Variants in ADCY9 observed in about 807,000 individuals in gnomAD.
ADCY9 encodes adenylate cyclase type 9.
Under a neutral mutation model 101.5 loss-of-function variants are expected in ADCY9, and 50 were observed. The ratio of observed to expected loss-of-function variants is 0.49; its 90% confidence interval spans 0.39 to 0.62. The LOEUF (loss-of-function observed/expected upper bound fraction) is 0.62, where lower values mean the gene tolerates loss of function less well. Ranked by LOEUF, ADCY9 falls within the 20% of genes least tolerant of loss-of-function variation. ADCY9 has a pLI of 0.00. For missense variants in ADCY9, 1,662 were observed against 1,800.4 expected, an observed-to-expected ratio of 0.92 and a Z score of 1.39; for synonymous variants, 905 against 769.3, an observed-to-expected ratio of 1.18 and a Z score of -2.92.
At chr16:4,071,364 A>AAAAAAAAAT (rs2056833452) in intron 2 of ADCY9, among the ~76,000 whole-genome samples, 1 of 129,888 alleles carries the variant, frequency 7.7e-6, no homozygotes, top group African/African-American at 3.0e-5. Flanking sequence ...AAAAAAAAAA[A>AAAAAAAAAT]TCAAAAAAGT....
chr16:4,084,508 T>C (rs2056925305), intron 2 of ADCY9, among the ~76,000 whole-genome samples: 1 of 152,038 alleles, frequency 6.6e-6, no homozygotes, highest in Non-Finnish European at 1.5e-5. Flanking sequence ...GGGGTATTGC[T>C]TGAGGCCAGG....
intron 10 of ADCY9, among the ~76,000 whole-genome samples, chr16:3,969,003 G>A (rs1490922813): frequency 1.3e-5 from 2 of 152,060 alleles, no homozygotes; most frequent in African/African-American, 4.8e-5. Flanking sequence ...ACGCCACCAT[G>A]CCCAGATTAT....
Position 4,114,159 on chromosome 16 carries a change from G to A in ADCY9, c.1284C>T (p.Arg428=), listed in dbSNP as rs781678233. Residue 428 remains arginine (R), a synonymous_variant, in exon 2 of 11, where the codon CGC becomes CGT. Transcript: ENST00000294016. This position sits in a 1 kb window ranked among gnomAD's most constrained non-coding sequence, Gnocchi z 4.3. ...LLNDLFGRFD[R]LCEETKCEKI... ...TCTCACACTTGGTCTCCTCACACAG[G>A]CGGTCGAAGCGACCGAACAGATCGT... The A allele has an allele frequency of 6.2e-7, 1 of 1,613,886 alleles. No homozygotes were observed. Among genetic ancestry groups the A allele is most frequent in the Non-Finnish European group, 8.5e-7 (1 of 1,180,050 alleles).
rs1346141957 is a variant in ADCY9 at position 3,993,160 on chromosome 16, C to CT, written c.1989+245dup. On this transcript the variant is annotated intron_variant, in intron 4 of 10. Coordinates refer to ENST00000294016, the MANE Select transcript of ADCY9 (RefSeq NM_001116.4). ...CACTCGAATCCACGCATTTTAAACCCTTATTGGCCTTTAAAGGAATCCCGC... is the reference window on the plus strand; with the variant it reads ...CACTCGAATCCACGCATTTTAAACCCTTTATTGGCCTTTAAAGGAATCCCGC... 1.8e-4 allele frequency among the ~76,000 whole-genome samples: 28 copies of CT among 152,280 alleles called. 1 individual carries two copies. The South Asian group carries it at 3.1e-3, about 17-fold the overall frequency.
intron 2 of ADCY9, among the ~76,000 whole-genome samples, chr16:4,039,218 C>G (rs1285176684): frequency 6.6e-6 from 1 of 152,144 alleles, no homozygotes; most frequent in Non-Finnish European, 1.5e-5. Flanking sequence ...CTCCCATGTC[C>G]TCCATCTTTG....
At position 4,080,262 on chromosome 16, in the gene ADCY9, T is replaced by C. The variant is rs8060680; in HGVS notation, c.1693+33488A>G. ...AATTTTTCTTTTCTTTACTTTTTTT[T>C]TGAGACAGTCTTGCTCTGTTGCCCA... On this transcript the variant is annotated intron_variant, in intron 2 of 10. Coordinates refer to ENST00000294016, the MANE Select transcript of ADCY9 (RefSeq NM_001116.4). 9.2e-4 allele frequency among the ~76,000 whole-genome samples: 140 copies of C among 152,288 alleles called. 1 individual carries two copies. Among genetic ancestry groups the C allele is most frequent in the African/African-American group, 3.3e-3 (137 of 41,550 alleles).
intron 2 of ADCY9, among the ~76,000 whole-genome samples, chr16:4,007,873 C>T (rs2141720929): frequency 6.6e-6 from 1 of 152,276 alleles, no homozygotes; most frequent in African/African-American, 2.4e-5. Context: ...CAGGACCTCC[C>T]CGTGAAGGCA....
Position 3,987,964 on chromosome 16 carries a change from C to T in ADCY9, c.2310+1030G>A, listed in dbSNP as rs72762731. Among the ~76,000 whole-genome samples the T allele has an allele frequency of 1.3e-3, 196 of 151,986 alleles. 3 individuals carry two copies. In the East Asian group the frequency reaches 0.026, roughly 20 times the overall value. ...CAACCCCCTAAGGAGCACTTGTGAG[C>T]GCTGGGACTCTGCTGGAGGCTGTGA... is the stretch of plus-strand genomic sequence containing the variant. On this transcript the variant is annotated intron_variant, in intron 6 of 10. Transcript: ENST00000294016.
chr16:3,983,843 T>C (rs2056167938), intron 6 of ADCY9: 1 of 183,298 alleles, frequency 5.5e-6, no homozygotes, highest in South Asian at 1.3e-4. Flanking sequence ...GAGGATTGTG[T>C]GAGCCCAGGA....
At chr16:4,041,069 G>C (rs577165801) in intron 2 of ADCY9, among the ~76,000 whole-genome samples, 5 of 152,274 alleles carry the variant, frequency 3.3e-5, no homozygotes, top group African/African-American at 1.2e-4. Flanking sequence ...AAAGCCCAGG[G>C]AGGAAAATCA....
At chr16:4,085,159 C>T (rs942430185) in intron 2 of ADCY9, among the ~76,000 whole-genome samples, 5 of 152,070 alleles carry the variant, frequency 3.3e-5, no homozygotes, top group Admixed American at 1.3e-4. Context: ...GTCAGGAGTT[C>T]GAGACCAGCC....
chr16:4,041,830 A>C (rs143315444), intron 2 of ADCY9, among the ~76,000 whole-genome samples: 4,836 of 150,834 alleles, frequency 0.032, 274 homozygotes, highest in African/African-American at 0.11. Flanking sequence ...CAGCTCACTA[A>C]AGCCTCGATC....
intron 2 of ADCY9, among the ~76,000 whole-genome samples, chr16:4,081,561 T>C (rs990989041): frequency 6.6e-6 from 1 of 152,224 alleles, no homozygotes; most frequent in Non-Finnish European, 1.5e-5. Context: ...ACCACATTCA[T>C]CCTGACAGTC....
At chr16:3,973,944 TTTAA>T (rs2056073026) in intron 10 of ADCY9, among the ~76,000 whole-genome samples, 1 of 152,256 alleles carries the variant, frequency 6.6e-6, no homozygotes, top group East Asian at 1.9e-4. Flanking sequence ...TTTTATATAG[TTTAA>T]TTTTTATTTC....
chr16:4,038,210 G>A (rs2056602804), intron 2 of ADCY9, among the ~76,000 whole-genome samples: 1 of 151,974 alleles, frequency 6.6e-6, no homozygotes, highest in South Asian at 2.1e-4. Flanking sequence ...GAGCCCAGGA[G>A]GTCCAGGCTG....
chr16:3,967,749 G>C (rs1018892185), intron 10 of ADCY9, among the ~76,000 whole-genome samples: 2 of 146,342 alleles, frequency 1.4e-5, no homozygotes, highest in African/African-American at 5.1e-5. Context: ...CCAGGCTAGA[G>C]TGCAGTGGTG....
chr16:4,105,399 T>C (rs2057069915), intron 2 of ADCY9, among the ~76,000 whole-genome samples: 1 of 151,920 alleles, frequency 6.6e-6, no homozygotes. Context: ...AGGCCGGGCA[T>C]GGTGGCTCAC....
At chr16:4,041,110 T>A (rs974638247) in intron 2 of ADCY9, among the ~76,000 whole-genome samples, 1 of 152,148 alleles carries the variant, frequency 6.6e-6, no homozygotes, top group African/African-American at 2.4e-5. Flanking sequence ...AGCAGGGTCA[T>A]AAGACTTCCC....
chr16:4,066,676 C>A (rs756643546), intron 2 of ADCY9, among the ~76,000 whole-genome samples: 1 of 152,144 alleles, frequency 6.6e-6, no homozygotes, highest in Non-Finnish European at 1.5e-5. Context: ...TGAGCCACAG[C>A]TTCCCACTAA....
Sources: gnomAD v4.1 joint callset for allele counts (sites outside exome capture counted in the v4.1 genomes callset) on GRCh38, gnomAD v4.1.1 for gene constraint, Gnocchi (gnomAD v3.1) non-coding constraint, MANE v1.5 for transcripts, NCBI Gene and HGNC (gene_info 2026-07-23, HGNC 2026-07-21) for gene names.